Variants in MTAP observed in about 807,000 individuals in gnomAD.
MTAP encodes methylthioadenosine phosphorylase, also known as S-methyl-5'-thioadenosine phosphorylase.
A neutral mutation model predicts 33.6 loss-of-function variants in MTAP; 33 were observed. The ratio of observed to expected loss-of-function variants is 0.98; its 90% CI spans 0.74 to 1.31. MTAP has a LOEUF of 1.31. Among genes scored for constraint, MTAP ranks in the 40% most tolerant of loss-of-function variants. The pLI is 0.00. For synonymous variants in MTAP, 148 were observed against 125.7 expected (o/e 1.18, Z -1.19); for missense variants, 367 against 360.0 (o/e 1.02, Z -0.16).
chr9:21,814,691 A>G (rs1316341897), intron 1 of MTAP, among the ~76,000 whole-genome samples: 1 of 152,214 alleles, frequency 6.6e-6, no homozygotes, highest in African/African-American at 2.4e-5. Flanking sequence ...ATGCAATACA[A>G]TGCATGAACT....
chr9:21,897,568 G>A, intron 1 of MTAP, among the ~76,000 whole-genome samples: 1 of 152,170 alleles, frequency 6.6e-6, no homozygotes, highest in East Asian at 1.9e-4. Flanking sequence ...AACATCACAA[G>A]CATTCTTATA....
intron 4 of MTAP, among the ~76,000 whole-genome samples, chr9:21,833,135 T>A (rs923678660): frequency 1.3e-5 from 2 of 152,160 alleles, no homozygotes; most frequent in Non-Finnish European, 2.9e-5. Context: ...GGGGCACTCT[T>A]GATACCAGAA....
intron 1 of MTAP, among the ~76,000 whole-genome samples, chr9:21,887,874 G>A (rs186366745): frequency 2.6e-5 from 4 of 151,732 alleles, no homozygotes; most frequent in Non-Finnish European, 4.4e-5. Flanking sequence ...TAAGTTTTGT[G>A]TGGGGGGGTT....
chr9:21,883,055 TA>T lies in MTAP; in HGVS notation c.147+28186del, dbSNP rs1247817667. Among the ~76,000 whole-genome samples, 6 of 147,686 alleles carry T rather than the reference TA, an allele frequency of 4.1e-5. No individual in the cohort carries two copies. The East Asian group carries it at 1.2e-3, about 29-fold the overall frequency. On this transcript the variant is annotated intron_variant, in intron 1 of 1. Transcript: ENST00000577563. Reference sequence around the variant, plus strand: ...GCAGAACTTAATTAAATTAATGAAGTAGAAAACAAGGAGGATACATTTAAAA... The same window carrying T: ...GCAGAACTTAATTAAATTAATGAAGTGAAAACAAGGAGGATACATTTAAAA...
At chr9:21,869,433 A>G (rs1327362689), downstream of MTAP, among the ~76,000 whole-genome samples, 1 of 151,784 alleles carries the variant, frequency 6.6e-6, no homozygotes, top group Admixed American at 6.6e-5. Flanking sequence ...CACACTCTTG[A>G]TTTTCTTCCT....
intron 5 of MTAP, among the ~76,000 whole-genome samples, chr9:21,842,852 T>G (rs755453197): frequency 9.9e-5 from 15 of 152,084 alleles, no homozygotes; most frequent in Non-Finnish European, 2.2e-4. Context: ...AATACAATGG[T>G]GAAAGAACAA....
At chr9:21,924,348 A>G (rs1818832910) in intron 1 of MTAP, among the ~76,000 whole-genome samples, 1 of 152,182 alleles carries the variant, frequency 6.6e-6, no homozygotes, top group African/African-American at 2.4e-5. Flanking sequence ...AACCCTGAAA[A>G]GGAAAAGGCT....
intron 4 of MTAP, among the ~76,000 whole-genome samples, chr9:21,824,105 G>A (rs111837325): frequency 5.9e-5 from 9 of 152,206 alleles, no homozygotes; most frequent in Admixed American, 1.3e-4. Flanking sequence ...CTCTCAACTC[G>A]TCAGTCATTC....
Position 21,922,374 on chromosome 9 carries a change from A to G in MTAP, c.148-8634A>G, listed in dbSNP as rs996533920. ...TATAAAACCCCAAGTCAAAGGTCAA[A>G]CAGGGCACTTGGATTTCTCAGGTTG... On this transcript the variant is annotated intron_variant, in intron 1 of 1. Transcript: ENST00000577563. The surrounding 1 kb of genome is among the most constrained non-coding windows in gnomAD (Gnocchi z 4.8). Among the ~76,000 whole-genome samples the G allele has an allele frequency of 6.6e-6, 1 of 152,040 alleles. No individual in the cohort carries two copies. The highest frequency in any genetic ancestry group is 2.4e-5 in the African/African-American group (1 of 41,382).
chr9:21,915,235 C>G (rs1287944613), intron 1 of MTAP, among the ~76,000 whole-genome samples: 1 of 151,372 alleles, frequency 6.6e-6, no homozygotes, highest in Non-Finnish European at 1.5e-5. Context: ...ACTACAGGCA[C>G]CCGCCACCAC....
At chr9:21,933,317 T>A (rs1410679346), downstream of MTAP, 4 of 152,206 alleles carry the variant, frequency 2.6e-5, no homozygotes, top group Non-Finnish European at 5.9e-5. Flanking sequence ...AATTTATATC[T>A]ACAAAGGAAG....
chr9:21,928,157 A>G lies in MTAP; in HGVS notation c.148-2851A>G, dbSNP rs150709124. ...TATAAAGAAGAAACCAATGGATGGTACATGTTGGGAGAACTTCTCCATCTA... is the reference window on the plus strand; with the variant it reads ...TATAAAGAAGAAACCAATGGATGGTGCATGTTGGGAGAACTTCTCCATCTA... On this transcript the variant is annotated intron_variant, in intron 1 of 1. Transcript: ENST00000577563. Among the ~76,000 whole-genome samples the G allele has an allele frequency of 2.0e-5, 3 of 152,332 alleles. No homozygotes were observed. In the East Asian group the frequency reaches 5.8e-4, roughly 29 times the overall value.
intron 1 of MTAP, among the ~76,000 whole-genome samples, chr9:21,898,265 A>G (rs1239867701): frequency 6.6e-6 from 1 of 152,214 alleles, no homozygotes; most frequent in East Asian, 1.9e-4. Flanking sequence ...GTTAGACCTA[A>G]AACCATAAAA....
chr9:21,832,390 T>TA (rs1824989753), intron 4 of MTAP, among the ~76,000 whole-genome samples: 1 of 152,234 alleles, frequency 6.6e-6, no homozygotes, highest in Non-Finnish European at 1.5e-5. Flanking sequence ...GGTAAAGAGT[T>TA]ACGCAAGAAG....
intron 6 of MTAP, chr9:21,856,240 A>C (rs1353327776): frequency 2.2e-6 from 2 of 904,100 alleles, no homozygotes; most frequent in Non-Finnish European, 2.6e-6. Flanking sequence ...GACATCTCCA[A>C]AGAGGCCTAA....
At chr9:21,809,653 G>A (rs1047560987) in intron 1 of MTAP, among the ~76,000 whole-genome samples, 3 of 146,642 alleles carry the variant, frequency 2.0e-5, no homozygotes, top group East Asian at 4.0e-4. Context: ...AAAAAAAAAA[G>A]AAAGAAATTT....
chr9:21,900,110 A>T (rs1255954133), intron 1 of MTAP, among the ~76,000 whole-genome samples: 1 of 152,206 alleles, frequency 6.6e-6, no homozygotes, highest in Non-Finnish European at 1.5e-5. Flanking sequence ...CATTCTAGAC[A>T]TAGGCCTTGG....
At chr9:21,891,463 G>C (rs932339726) in intron 1 of MTAP, among the ~76,000 whole-genome samples, 19 of 152,118 alleles carry the variant, frequency 1.2e-4, no homozygotes, top group African/African-American at 4.6e-4. Flanking sequence ...TTATCTGATA[G>C]AGCTGAAAAA....
At chr9:21,894,684 A>G (rs1818259329) in intron 1 of MTAP, among the ~76,000 whole-genome samples, 1 of 151,922 alleles carries the variant, frequency 6.6e-6, no homozygotes, top group Non-Finnish European at 1.5e-5. Flanking sequence ...AATATGGCAC[A>G]TGTATACATA....
Sources: allele counts gnomAD v4.1 joint callset (sites outside exome capture counted in the v4.1 genomes callset), GRCh38; gene constraint gnomAD v4.1.1; non-coding constraint Gnocchi (gnomAD v3.1); transcripts MANE v1.5; gene names NCBI Gene and HGNC (gene_info 2026-07-23, HGNC 2026-07-21).